The following ACVR1 variants were observed in gnomAD, a reference collection of about 807,000 sequenced individuals.
The protein encoded by ACVR1 is activin receptor type-1.
In ACVR1, 38 loss-of-function variants were observed where a neutral mutation model predicts 57.1. The observed-to-expected ratio is 0.67, with a 90% CI of 0.51 to 0.87. ACVR1 has a LOEUF of 0.87. Among genes scored for constraint, ACVR1 ranks in the 40% least tolerant of loss-of-function variants. ACVR1 has a pLI of 0.00. For synonymous variants in ACVR1, 212 were observed against 228.1 expected (o/e 0.93, Z 0.63); for missense variants, 463 against 638.2 (o/e 0.73, Z 2.96).
chr2:157,773,907 A>T lies in ACVR1; in HGVS notation c.643+181T>A, dbSNP rs76651097. Among the ~76,000 whole-genome samples, 3,665 of 152,286 alleles carry T rather than the reference A, an allele frequency of 0.024. 150 individuals carry two copies. The highest frequency in any genetic ancestry group is 0.083 in the African/African-American group (3,449 of 41,532). On this transcript the variant is annotated intron_variant, in intron 6 of 10. Coordinates refer to ENST00000434821, the MANE Select transcript of ACVR1 (RefSeq NM_001111067.4). ...TACTCATTAGTGATGGACTCCTTTG[A>T]TAAGAGCTTAAACAAGTTCAGGTGC...
intron 1 of ACVR1, among the ~76,000 whole-genome samples, chr2:157,872,259 T>G (rs1051488464): frequency 6.6e-6 from 1 of 152,228 alleles, no homozygotes; most frequent in Non-Finnish European, 1.5e-5. Flanking sequence ...TCTGATGGCT[T>G]TATTTCCCAG....
intron 9 of ACVR1, among the ~76,000 whole-genome samples, chr2:157,751,965 T>C (rs1055724507): frequency 9.2e-5 from 14 of 152,306 alleles, no homozygotes; most frequent in African/African-American, 3.1e-4. Flanking sequence ...TAATGCTCTC[T>C]TGAAAGCGCC....
chr2:157,834,922 T>C (rs1688726001), intron 1 of ACVR1, among the ~76,000 whole-genome samples: 1 of 152,136 alleles, frequency 6.6e-6, no homozygotes, highest in Non-Finnish European at 1.5e-5. Flanking sequence ...AGCAAGAAGA[T>C]GCCAACTATG....
intron 8 of ACVR1, among the ~76,000 whole-genome samples, chr2:157,763,629 G>A (rs1020080938): frequency 1.2e-4 from 19 of 152,132 alleles, no homozygotes; most frequent in Non-Finnish European, 1.6e-4. Context: ...CGCTGAGGCA[G>A]GAAGATTGCT....
intron 1 of ACVR1, among the ~76,000 whole-genome samples, chr2:157,849,463 T>C (rs1689225720): frequency 6.6e-6 from 1 of 152,214 alleles, no homozygotes; most frequent in East Asian, 1.9e-4. Context: ...AGTATAGTAG[T>C]ATATATCAAA....
chr2:157,747,177 T>G (rs1684998833), intron 9 of ACVR1, among the ~76,000 whole-genome samples: 2 of 152,184 alleles, frequency 1.3e-5, no homozygotes, highest in South Asian at 4.1e-4. Flanking sequence ...AAAATATATA[T>G]TCTTTTAATG....
chr2:157,857,966 C>T (rs1194545914), intron 1 of ACVR1, among the ~76,000 whole-genome samples: 1 of 151,934 alleles, frequency 6.6e-6, no homozygotes, highest in Non-Finnish European at 1.5e-5. Flanking sequence ...CAGAAGATGA[C>T]TACTCCCCAA....
chr2:157,819,869 A>G (rs535836238), intron 1 of ACVR1, among the ~76,000 whole-genome samples: 2 of 152,356 alleles, frequency 1.3e-5, no homozygotes, highest in East Asian at 3.9e-4. Flanking sequence ...AAACTTTCCC[A>G]TTCAAATAGT....
intron 1 of ACVR1, among the ~76,000 whole-genome samples, chr2:157,842,412 CT>C (rs1188443933): frequency 6.6e-6 from 1 of 152,204 alleles, no homozygotes; most frequent in Non-Finnish European, 1.5e-5. Context: ...CCAGGAGGTA[CT>C]GAGCACCTAC....
intron 1 of ACVR1, among the ~76,000 whole-genome samples, chr2:157,868,830 A>G (rs1690025858): frequency 3.9e-5 from 6 of 152,196 alleles, no homozygotes; most frequent in Admixed American, 3.9e-4. Context: ...AACCTTACCT[A>G]GAGGAAGACT....
intron 1 of ACVR1, among the ~76,000 whole-genome samples, chr2:157,838,775 C>G (rs1241187317): frequency 6.6e-6 from 1 of 152,160 alleles, no homozygotes; most frequent in Non-Finnish European, 1.5e-5. Flanking sequence ...GTATGTACAT[C>G]TGGGGAGAAC....
At chr2:157,765,774 G>A (rs1332995176) in intron 8 of ACVR1, 147 bp downstream of exon 8, 2 of 708,078 alleles carry the variant, frequency 2.8e-6, no homozygotes, top group South Asian at 1.8e-5. Flanking sequence ...AATCTATGTG[G>A]TGGGTATAAA....
chr2:157,813,798 C>T (rs1361196978), intron 2 of ACVR1, among the ~76,000 whole-genome samples: 1 of 152,168 alleles, frequency 6.6e-6, no homozygotes, highest in East Asian at 1.9e-4. Context: ...CCCTTGGTTA[C>T]AGCAATTCAA....
At position 157,876,179 on chromosome 2, in the gene ACVR1, C is replaced by T. The variant is rs1425907416; in HGVS notation, c.-566G>A. Among the ~76,000 whole-genome samples the T allele has an allele frequency of 6.8e-6, 1 of 146,574 alleles. No individual in the cohort carries two copies. The highest frequency in any genetic ancestry group is 1.5e-5 in the Non-Finnish European group (1 of 66,178). ...CGGGCAGAATAAACTTCCCGAGGCG[C>T]AGAGGCTCGGGCTGGGAGCACGACC... On this transcript the variant is annotated 5_prime_UTR_variant, in exon 1 of 11. Transcript: ENST00000434821.
intron 1 of ACVR1, among the ~76,000 whole-genome samples, chr2:157,850,877 A>C (rs1689273901): frequency 6.6e-6 from 1 of 152,114 alleles, no homozygotes. Context: ...GAATTGCTTG[A>C]ACCTGGGAGG....
At chr2:157,859,542 T>G (rs1689654647) in intron 1 of ACVR1, among the ~76,000 whole-genome samples, 2 of 152,324 alleles carry the variant, frequency 1.3e-5, no homozygotes, top group Non-Finnish European at 1.5e-5. Context: ...GAATCCTCTC[T>G]TGGGGTCTGG....
intron 1 of ACVR1, among the ~76,000 whole-genome samples, chr2:157,839,580 C>T (rs555715237): frequency 5.9e-5 from 9 of 152,216 alleles, no homozygotes; most frequent in South Asian, 4.1e-4. Context: ...AGCTGTCCAG[C>T]GACACTCTTT....
In ACVR1 at chr2:157,774,080, AG is replaced by A; in HGVS notation, c.643+7del. ...ATTACCCACAAAGAAAGGAAAAAAA[AG>A]AATTACCGACACACTCCAACAGTGT... On this transcript the variant is annotated splice_region_variant and intron_variant, in intron 6 of 10. Transcript: ENST00000434821. 6.2e-7 allele frequency: 1 copy of A among 1,612,488 alleles called. No individual in the cohort carries two copies. Among genetic ancestry groups the A allele is most frequent in the African/African-American group, 1.3e-5 (1 of 74,934 alleles).
intron 1 of ACVR1, among the ~76,000 whole-genome samples, chr2:157,831,770 C>T (rs893060287): frequency 2.0e-5 from 3 of 152,136 alleles, no homozygotes; most frequent in African/African-American, 2.4e-5. Flanking sequence ...TTGGCTTCTA[C>T]TCCAATAATG....
Sources: allele counts gnomAD v4.1 joint callset (sites outside exome capture counted in the v4.1 genomes callset), GRCh38; gene constraint gnomAD v4.1.1; transcripts MANE v1.5; gene names NCBI Gene and HGNC (gene_info 2026-07-23, HGNC 2026-07-21).